The following FGF12 variants were observed in gnomAD, a reference collection of about 807,000 sequenced individuals.
FGF12 encodes fibroblast growth factor 12, also known as fibroblast growth factor 12B.
Under a neutral mutation model 23.6 loss-of-function variants are expected in FGF12, and 14 were observed. The ratio of observed to expected loss-of-function variants is 0.59; its 90% CI spans 0.39 to 0.93. FGF12 has a LOEUF of 0.93. FGF12 is among the 40% of genes least tolerant of loss of function. The probability of loss-of-function intolerance (pLI) is 0.00; values close to 1 mark genes in which losing one functional copy is unlikely to be tolerated. For synonymous variants in FGF12, 62 were observed against 77.3 expected (o/e 0.80, Z 1.04); for missense variants, 175 against 217.8 (o/e 0.80, Z 1.24).
intron 2 of FGF12, 176 bp downstream of exon 2, chr3:192,727,004 GT>G (rs1236573249): frequency 1.4e-6 from 1 of 721,500 alleles, no homozygotes; most frequent in African/African-American, 1.8e-5. Flanking sequence ...AGCTGTGGGA[GT>G]TAAAAAGAAG....
intron 2 of FGF12, among the ~76,000 whole-genome samples, chr3:192,474,219 G>A (rs1723251741): frequency 6.6e-6 from 1 of 152,160 alleles, no homozygotes; most frequent in African/African-American, 2.4e-5. Flanking sequence ...TGTGTTTAAC[G>A]ATGTAGAAAT....
chr3:192,670,129 T>A (rs907990544), intron 2 of FGF12, among the ~76,000 whole-genome samples: 2 of 152,172 alleles, frequency 1.3e-5, no homozygotes, highest in Admixed American at 6.5e-5. Context: ...ACCAAAACAA[T>A]ATTTGCCATA....
At chr3:192,300,887 A>G (rs569958136) in intron 4 of FGF12, among the ~76,000 whole-genome samples, 37 of 152,156 alleles carry the variant, frequency 2.4e-4, no homozygotes, top group Admixed American at 5.9e-4. Context: ...GTGTGGTGGC[A>G]CATACCTGTT....
At chr3:192,337,943 A>G (rs779390980) in intron 3 of FGF12, among the ~76,000 whole-genome samples, 5 of 152,196 alleles carry the variant, frequency 3.3e-5, no homozygotes, top group Non-Finnish European at 7.4e-5. Flanking sequence ...CAAAGTGCTG[A>G]TACATTCATT....
chr3:192,210,613 C>A (rs1287637691), intron 4 of FGF12, among the ~76,000 whole-genome samples: 1 of 152,190 alleles, frequency 6.6e-6, no homozygotes, highest in Non-Finnish European at 1.5e-5. Context: ...ACATAAATGA[C>A]AATTGCAGCA....
chr3:192,531,181 A>T (rs752103598), intron 2 of FGF12, among the ~76,000 whole-genome samples: 2 of 152,180 alleles, frequency 1.3e-5, no homozygotes, highest in Non-Finnish European at 2.9e-5. Context: ...TACACACGTT[A>T]TTAGAGTGGT....
At chr3:192,691,709 G>A (rs949353723) in intron 2 of FGF12, among the ~76,000 whole-genome samples, 4 of 151,656 alleles carry the variant, frequency 2.6e-5, no homozygotes, top group African/African-American at 9.7e-5. Flanking sequence ...AAATCAAATA[G>A]AAACTAGAAC....
At chr3:192,573,275 A>G (rs1438468921) in intron 2 of FGF12, among the ~76,000 whole-genome samples, 1 of 152,032 alleles carries the variant, frequency 6.6e-6, no homozygotes, top group Non-Finnish European at 1.5e-5. Context: ...TATACCTGTG[A>G]TGGTCAATTT....
intron 4 of FGF12, among the ~76,000 whole-genome samples, chr3:192,332,389 G>T (rs1015492297): frequency 4.0e-5 from 6 of 151,578 alleles, no homozygotes; most frequent in African/African-American, 1.5e-4. Context: ...TAAAGCAACA[G>T]AATTTTTTAA....
At chr3:192,175,033 A>G (rs1715780304) in intron 4 of FGF12, among the ~76,000 whole-genome samples, 1 of 152,238 alleles carries the variant, frequency 6.6e-6, no homozygotes, top group South Asian at 2.1e-4. Flanking sequence ...ACCTTGTGCC[A>G]TAAGAGTAGT....
At chr3:192,507,906 C>T (rs557411370) in intron 2 of FGF12, among the ~76,000 whole-genome samples, 4 of 152,238 alleles carry the variant, frequency 2.6e-5, no homozygotes, top group African/African-American at 9.6e-5. Context: ...TGCTATCCAC[C>T]CACAAGTTCC....
At chr3:192,696,888 G>C (rs909634486) in intron 2 of FGF12, among the ~76,000 whole-genome samples, 1 of 151,688 alleles carries the variant, frequency 6.6e-6, no homozygotes, top group African/African-American at 2.4e-5. Context: ...GTAAGGGATA[G>C]GGAAAAGCTT....
intron 2 of FGF12, among the ~76,000 whole-genome samples, chr3:192,506,972 A>T (rs1724325725): frequency 6.8e-6 from 1 of 147,120 alleles, no homozygotes; most frequent in Non-Finnish European, 1.5e-5. Flanking sequence ...GCTCACTGAA[A>T]GCTCCGCCTC....
At chr3:192,183,126 A>C (rs1716271324) in intron 4 of FGF12, among the ~76,000 whole-genome samples, 1 of 152,140 alleles carries the variant, frequency 6.6e-6, no homozygotes, top group Non-Finnish European at 1.5e-5. Flanking sequence ...AGTATTGCTG[A>C]GATATTGATG....
intron 5 of FGF12, among the ~76,000 whole-genome samples, chr3:192,154,811 G>T (rs1714274151): frequency 6.8e-6 from 1 of 147,130 alleles, no homozygotes; most frequent in Admixed American, 6.8e-5. Flanking sequence ...ACAGAGGCAG[G>T]CAGGCCTCCT....
chr3:192,304,301 T>G (rs1276542191), intron 4 of FGF12, among the ~76,000 whole-genome samples: 2 of 152,184 alleles, frequency 1.3e-5, no homozygotes, highest in Admixed American at 1.3e-4. Context: ...CTTCCCCTGT[T>G]GGGCACCGAG....
At chr3:192,257,206 T>C (rs542109503) in intron 4 of FGF12, among the ~76,000 whole-genome samples, 28 of 152,272 alleles carry the variant, frequency 1.8e-4, no homozygotes, top group Admixed American at 1.2e-3. Context: ...CCCATATCTT[T>C]TGGGGGTAAT....
intron 3 of FGF12, among the ~76,000 whole-genome samples, chr3:192,348,017 T>C (rs1205253756): frequency 2.6e-5 from 4 of 152,156 alleles, no homozygotes; most frequent in African/African-American, 9.7e-5. Flanking sequence ...GTCCCTAAAA[T>C]CAAATGGACT....
At chr3:192,437,578 C>G (rs767342095) in intron 2 of FGF12, among the ~76,000 whole-genome samples, 3 of 151,730 alleles carry the variant, frequency 2.0e-5, no homozygotes, top group Non-Finnish European at 4.4e-5. Context: ...TGTAATCCCA[C>G]CTACTCAGGA....
Sources: allele counts gnomAD v4.1 joint callset (sites outside exome capture counted in the v4.1 genomes callset), GRCh38; gene constraint gnomAD v4.1.1; transcripts MANE v1.5; gene names NCBI Gene and HGNC (gene_info 2026-07-23, HGNC 2026-07-21).